The following DNAI4 variants were observed in gnomAD, a reference collection of about 807,000 sequenced individuals.
The protein encoded by DNAI4 is dynein axonemal intermediate chain 4, also known as WD repeat domain 78.
Under a neutral mutation model 105.8 loss-of-function variants are expected in DNAI4, and 85 were observed. The observed-to-expected ratio is 0.80, with a 90% CI of 0.67 to 0.96. The LOEUF (loss-of-function observed/expected upper bound fraction) is 0.96, where lower values mean the gene tolerates loss of function less well. DNAI4 is among the 40% of genes least tolerant of loss of function. The pLI is 0.00. For missense variants in DNAI4, 1,014 were observed against 1,005.6 expected (o/e 1.01, Z -0.11); for synonymous variants, 352 against 331.5 (o/e 1.06, Z -0.67).
chr1:66,827,501 T>TA lies in DNAI4; in HGVS notation c.2112+310dup, dbSNP rs5774845. On this transcript the variant is annotated intron_variant, in intron 14 of 16. Transcript: ENST00000371026. The stretch of plus-strand genomic sequence containing the variant: ...GAGACCCATCTCTTAAAAAAAACAT[T>TA]AAAAAAAATAAGCTATAGAGACTAG... Among the ~76,000 whole-genome samples the TA allele has an allele frequency of 6.8e-3, 1,032 of 151,474 alleles. 12 individuals carry two copies. The highest frequency in any genetic ancestry group is 0.023 in the African/African-American group (966 of 41,306).
At chr1:66,879,115 C>T (rs1210203041) in intron 4 of DNAI4, among the ~76,000 whole-genome samples, 1 of 152,032 alleles carries the variant, frequency 6.6e-6, no homozygotes, top group Non-Finnish European at 1.5e-5. Context: ...GCTATGTATC[C>T]ACCATTATAG....
intron 2 of DNAI4, among the ~76,000 whole-genome samples, chr1:66,900,051 C>T (rs917170517): frequency 2.6e-5 from 4 of 152,034 alleles, no homozygotes; most frequent in African/African-American, 9.7e-5. Context: ...TCTGTGATTC[C>T]ATATGAATTT....
At chr1:66,874,666 A>T (rs1646923560) in intron 5 of DNAI4, 115 bp downstream of exon 5, 3 of 962,228 alleles carry the variant, frequency 3.1e-6, no homozygotes, top group Non-Finnish European at 4.5e-6. Flanking sequence ...TCTCCCCCCA[A>T]ACCCCATAGT....
intron 6 of DNAI4, among the ~76,000 whole-genome samples, chr1:66,862,738 C>T (rs1646654178): frequency 1.3e-5 from 2 of 152,178 alleles, no homozygotes; most frequent in South Asian, 4.1e-4. Context: ...TTAAGGATAA[C>T]TCCAAATTAT....
intron 1 of DNAI4, among the ~76,000 whole-genome samples, chr1:66,916,005 C>T (rs1010114542): frequency 2.0e-5 from 3 of 148,516 alleles, no homozygotes; most frequent in Admixed American, 6.8e-5. Flanking sequence ...ACCTATAATC[C>T]ATCTACCTGG....
intron 1 of DNAI4, among the ~76,000 whole-genome samples, chr1:66,915,935 A>C (rs1361458066): frequency 6.6e-6 from 1 of 152,164 alleles, no homozygotes; most frequent in African/African-American, 2.4e-5. Flanking sequence ...CAGTCTGGCC[A>C]ACATGGCGAA....
In DNAI4 at chr1:66,905,326, T is replaced by G. The variant is rs1374682690; in HGVS notation, c.220A>C (p.Lys74Gln). The change falls in exon 2 of 17, where the codon AAA (lysine) becomes CAA (glutamine). Residue 74 changes from lysine to glutamine, a missense_variant. Transcript: ENST00000371026. ...KKSISFFATM[K>Q]ATSVKGYTGA... The stretch of plus-strand genomic sequence containing the variant: ...GTATATCCTTTCACTGAAGTTGCTT[T>G]CATTGTAGCAAAAAAGCTAATAGAC... The G allele has an allele frequency of 6.6e-7, 1 of 1,526,476 alleles. No individual in the cohort carries two copies. Among genetic ancestry groups the G allele is most frequent in the Admixed American group, 1.8e-5 (1 of 56,588 alleles). 94.6% of individuals were successfully genotyped at this position (1,526,476 alleles called of 1,614,324 possible).
rs56842115 is a variant in DNAI4 at position 66,890,866 on chromosome 1, GGAA to G, written c.643+285_643+287del. 2.5e-3 allele frequency: 1,042 copies of G among 416,354 alleles called. 6 individuals carry two copies. Among genetic ancestry groups the G allele is most frequent in the East Asian group, 0.011 (195 of 18,290 alleles). 25.8% of individuals were successfully genotyped at this position (416,354 alleles called of 1,614,324 possible). On this transcript the variant is annotated intron_variant, in intron 4 of 16. Transcript: ENST00000371026. This position sits in a 1 kb window ranked among gnomAD's most constrained non-coding sequence, Gnocchi z 4.1. ...AGGAAGAGGAAGAAGAAGAGGAAGA[GGAA>G]GAAGAAGAAGAAGAAGCAGAAGCAG... is the stretch of plus-strand genomic sequence containing the variant.
intron 7 of DNAI4, among the ~76,000 whole-genome samples, chr1:66,857,044 T>C (rs1418792222): frequency 6.6e-6 from 1 of 152,006 alleles, no homozygotes. Context: ...GTTAGTTCTT[T>C]GAAAATATCA....
At chr1:66,893,948 C>G (rs1232264746) in intron 2 of DNAI4, among the ~76,000 whole-genome samples, 1 of 152,130 alleles carries the variant, frequency 6.6e-6, no homozygotes, top group Non-Finnish European at 1.5e-5. Context: ...ACACATTACT[C>G]ACGAATTTGT....
At chr1:66,814,779 T>G (rs1645483143) in intron 16 of DNAI4, among the ~76,000 whole-genome samples, 1 of 152,240 alleles carries the variant, frequency 6.6e-6, no homozygotes. Context: ...TTCTTATTTA[T>G]AAAATACCTG....
intron 7 of DNAI4, among the ~76,000 whole-genome samples, chr1:66,853,122 T>C (rs921016456): frequency 3.9e-5 from 6 of 152,126 alleles, no homozygotes; most frequent in Non-Finnish European, 8.8e-5. Flanking sequence ...AGCAAAAACG[T>C]ATTACTCACA....
chr1:66,847,501 T>A lies in DNAI4; in HGVS notation c.1274A>T (p.Gln425Leu), dbSNP rs763633386. The change falls in exon 8 of 17, where the codon CAG (glutamine) becomes CTG (leucine). Residue 425 changes from glutamine to leucine, a missense_variant. Physicochemically the swap from Gln to Leu is moderately radical, Grantham distance 113. Transcript: ENST00000371026. ...TTAAATACCTTTTAAAACAGGAAGC[T>A]GACGATAAGCTGCAAGTTTGGGCTG... ...IFQPKLAAYR[Q>L]LPVLKEPEPE... The A allele has an allele frequency of 9.9e-5, 159 of 1,612,870 alleles. 1 individual carries two copies. In the South Asian group the frequency reaches 1.8e-3, roughly 18 times the overall value.
Position 66,836,250 on chromosome 1 carries a change from GAGAGAGAAAGAA to G in DNAI4, c.1582-485_1582-474del, listed in dbSNP as rs1359315672. Among the ~76,000 whole-genome samples, 925 of 132,054 alleles carry G rather than the reference GAGAGAGAAAGAA, an allele frequency of 7.0e-3. 17 individuals are homozygous for G. The highest frequency in any genetic ancestry group is 9.8e-3 in the Non-Finnish European group (611 of 62,060). The allele number at this position is 132,054 out of a possible 152,430, so 86.6% of individuals were successfully genotyped here. A position where few individuals can be genotyped will look rare whatever the true frequency, so the allele number is the denominator to read the frequency against. On this transcript the variant is annotated intron_variant, in intron 10 of 16. Coordinates refer to ENST00000371026, the MANE Select transcript of DNAI4 (RefSeq NM_024763.5). ...AGAGAGAGAGAAAGAAAGAAAGAGAGAGAGAGAAAGAAAGAAAGAAAGAAAGAAAGAAAGAAA... is the reference window on the plus strand; with the variant it reads ...AGAGAGAGAGAAAGAAAGAAAGAGAGAGAAAGAAAGAAAGAAAGAAAGAAA...
rs750927337 is a variant in DNAI4, at chr1:66,837,692, T to A, written c.1581+18A>T. The A allele has an allele frequency of 4.4e-6, 7 of 1,600,158 alleles. No homozygotes were observed. The East Asian group carries it at 1.6e-4, about 36-fold the overall frequency. On this transcript the variant is annotated intron_variant, in intron 10 of 16. Transcript: ENST00000371026. ...TCAACAGCCAGATAAAAATGCTTCT[T>A]ATTCTTGTTTGGGTTACCATGGGAT...
At chr1:66,906,258 C>T (rs2100836303) in intron 1 of DNAI4, among the ~76,000 whole-genome samples, 1 of 152,026 alleles carries the variant, frequency 6.6e-6, no homozygotes, top group Middle Eastern at 3.4e-3. Flanking sequence ...TATTTATATC[C>T]ATGAAAAAAT....
chr1:66,830,163 G>A (rs1173996224), intron 13 of DNAI4, among the ~76,000 whole-genome samples: 1 of 150,664 alleles, frequency 6.6e-6, no homozygotes, highest in Non-Finnish European at 1.5e-5. Context: ...AGAAAAACAA[G>A]AACAAATTAA....
intron 6 of DNAI4, among the ~76,000 whole-genome samples, chr1:66,867,703 A>G (rs1240603737): frequency 6.6e-6 from 1 of 152,006 alleles, no homozygotes; most frequent in East Asian, 1.9e-4. Context: ...TATTTTTTTT[A>G]GTTGATATTC....
In DNAI4 at chr1:66,871,851, A is replaced by G. The variant is rs973960270; in HGVS notation, c.801-342T>C. Among the ~76,000 whole-genome samples, 4 of 152,158 alleles carry G rather than the reference A, an allele frequency of 2.6e-5. No homozygotes were observed. In the East Asian group the frequency reaches 7.7e-4, roughly 29 times the overall value. ...TTAGAAATGTGTTTTTGAACTTCCA[A>G]ATGTGTATGTAAATGTGTCTGTTTT... is the stretch of plus-strand genomic sequence containing the variant. On this transcript the variant is annotated intron_variant, in intron 5 of 16. Coordinates refer to ENST00000371026, the MANE Select transcript of DNAI4 (RefSeq NM_024763.5).
Sources: allele counts gnomAD v4.1 joint callset (sites outside exome capture counted in the v4.1 genomes callset), GRCh38; gene constraint gnomAD v4.1.1; non-coding constraint Gnocchi (gnomAD v3.1); transcripts MANE v1.5; gene names NCBI Gene and HGNC (gene_info 2026-07-23, HGNC 2026-07-21).